The following SYT10 variants were observed in gnomAD, a reference collection of about 807,000 sequenced individuals.
SYT10 encodes synaptotagmin 10, also known as synaptotagmin-10.
Under a neutral mutation model 51.1 loss-of-function variants are expected in SYT10, and 31 were observed. That is an observed-to-expected ratio of 0.61 (90% CI 0.46 to 0.82). The LOEUF (loss-of-function observed/expected upper bound fraction) is 0.82. Ranked by LOEUF, SYT10 falls within the 40% of genes least tolerant of loss-of-function variation. The pLI, the probability that SYT10 is intolerant of heterozygous loss-of-function variation, is 0.00. For synonymous variants in SYT10, 233 were observed against 225.9 expected, an observed-to-expected ratio of 1.03 and a Z score of -0.28; for missense variants, 603 against 634.0, an observed-to-expected ratio of 0.95 and a Z score of 0.53.
At chr12:33,419,395 G>A (rs995182240) in intron 2 of SYT10, among the ~76,000 whole-genome samples, 1 of 152,020 alleles carries the variant, frequency 6.6e-6, no homozygotes, top group African/African-American at 2.4e-5. Flanking sequence ...GAAAAATTTA[G>A]CCATGTGACT....
At chr12:33,379,549 C>CAAAAAAAA (rs71068377) in intron 6 of SYT10, among the ~76,000 whole-genome samples, 10 of 22,066 alleles carry the variant, frequency 4.5e-4, no homozygotes, top group East Asian at 2.7e-3. Flanking sequence ...TCAGGCTATG[C>CAAAAAAAA]AAAAAAAAAA....
intron 4 of SYT10, among the ~76,000 whole-genome samples, 161 bp from the exon 5 acceptor site, chr12:33,382,681 G>T (rs1373371370): frequency 6.6e-6 from 1 of 152,136 alleles, no homozygotes; most frequent in Non-Finnish European, 1.5e-5. Flanking sequence ...AAGAGTAATT[G>T]TAGTAAGGTT....
intron 1 of SYT10, among the ~76,000 whole-genome samples, chr12:33,430,973 C>G (rs1866592116): frequency 6.6e-6 from 1 of 152,156 alleles, no homozygotes; most frequent in South Asian, 2.1e-4. Context: ...GTTTATTTCT[C>G]TCTCATGTGA....
intron 3 of SYT10, among the ~76,000 whole-genome samples, chr12:33,403,289 GT>G (rs1269275083): frequency 6.7e-6 from 1 of 149,268 alleles, no homozygotes; most frequent in Admixed American, 6.7e-5. Context: ...CTGGTGTGTA[GT>G]GGTGCCATCT....
At chr12:33,437,773 C>T (rs953663785) in intron 1 of SYT10, among the ~76,000 whole-genome samples, 5 of 152,096 alleles carry the variant, frequency 3.3e-5, no homozygotes. Flanking sequence ...CCACAGAGGA[C>T]TCTGAGGTCA....
At chr12:33,384,035 C>T (rs1220650051) in intron 4 of SYT10, among the ~76,000 whole-genome samples, 2 of 152,090 alleles carry the variant, frequency 1.3e-5, no homozygotes, top group African/African-American at 4.8e-5. Flanking sequence ...GTTCTACTTT[C>T]ACATACACAC....
chr12:33,400,044 G>A (rs1866289230), intron 3 of SYT10, among the ~76,000 whole-genome samples: 1 of 152,118 alleles, frequency 6.6e-6, no homozygotes, highest in African/African-American at 2.4e-5. Context: ...CAGGAGACCT[G>A]GTAAGACAGA....
At chr12:33,438,220 C>T (rs1234782961) in intron 1 of SYT10, among the ~76,000 whole-genome samples, 3 of 152,194 alleles carry the variant, frequency 2.0e-5, no homozygotes, top group Non-Finnish European at 4.4e-5. Flanking sequence ...CTTGGCTGTC[C>T]AGCTCTTGTT....
chr12:33,398,390 G>A (rs1400269319), intron 3 of SYT10, among the ~76,000 whole-genome samples: 1 of 151,974 alleles, frequency 6.6e-6, no homozygotes, highest in Non-Finnish European at 1.5e-5. Flanking sequence ...GTGGGCGCCT[G>A]TAGTCACAGC....
intron 3 of SYT10, among the ~76,000 whole-genome samples, chr12:33,396,452 C>G (rs1338854277): frequency 6.6e-6 from 1 of 152,110 alleles, no homozygotes; most frequent in Non-Finnish European, 1.5e-5. Context: ...GAGTAATTTA[C>G]ATCAGAATAC....
intron 3 of SYT10, among the ~76,000 whole-genome samples, chr12:33,399,077 A>G (rs1403943433): frequency 6.6e-6 from 1 of 152,202 alleles, no homozygotes. Flanking sequence ...TACCAGTACA[A>G]CCATGTAGGA....
At position 33,439,717 on chromosome 12, in the gene SYT10, G is replaced by A. The variant is rs1024725348; in HGVS notation, c.-195C>T. 3.4e-5 allele frequency: 21 copies of A among 625,654 alleles called. No individual in the cohort carries two copies. The highest frequency in any genetic ancestry group is 3.0e-4 in the African/African-American group (16 of 52,912). 38.8% of individuals were successfully genotyped at this position (625,654 alleles called of 1,614,324 possible). ...GGCGGGAGCGGAGGGCGTAGGGGAA[G>A]GAGAGGCGCGCGAGGAGGCTGCGGC... On this transcript the variant is annotated 5_prime_UTR_variant, in exon 1 of 7. Coordinates refer to ENST00000228567, the MANE Select transcript of SYT10 (RefSeq NM_198992.4).
In SYT10 at chr12:33,382,342, C is replaced by T. The variant is rs12821897; in HGVS notation, c.1370+7G>A. The T allele has an allele frequency of 2.5e-6, 4 of 1,585,096 alleles. No homozygotes were observed. The highest frequency in any genetic ancestry group is 2.7e-5 in the African/African-American group (2 of 73,348). On this transcript the variant is annotated splice_region_variant and intron_variant, in intron 5 of 6. Transcript: ENST00000228567. ...CTGCTCTTCAGTGAGAAGAGAGATACACATACCTATCGTAATCCATGACCG... is the reference window on the plus strand; with the variant it reads ...CTGCTCTTCAGTGAGAAGAGAGATATACATACCTATCGTAATCCATGACCG...
chr12:33,434,287 T>A (rs899205099), intron 1 of SYT10, among the ~76,000 whole-genome samples: 1 of 152,232 alleles, frequency 6.6e-6, no homozygotes, highest in African/African-American at 2.4e-5. Context: ...GAATTCTAGC[T>A]TTTTAATGTT....
intron 3 of SYT10, among the ~76,000 whole-genome samples, chr12:33,397,902 G>A (rs1208661588): frequency 6.6e-6 from 1 of 152,118 alleles, no homozygotes; most frequent in Non-Finnish European, 1.5e-5. Context: ...TTGTGGGCCT[G>A]GAAACCTATT....
chr12:33,413,324 T>C (rs1284157366), intron 2 of SYT10, among the ~76,000 whole-genome samples: 1 of 152,012 alleles, frequency 6.6e-6, no homozygotes, highest in Non-Finnish European at 1.5e-5. Flanking sequence ...ATTCAGGAAA[T>C]ACTGAGAATG....
chr12:33,436,781 A>G (rs145218494), intron 1 of SYT10, among the ~76,000 whole-genome samples: 1 of 152,286 alleles, frequency 6.6e-6, no homozygotes, highest in African/African-American at 2.4e-5. Flanking sequence ...AATATACACA[A>G]TTTTGGAGCT....
At chr12:33,400,210 A>G (rs567812675) in intron 3 of SYT10, among the ~76,000 whole-genome samples, 10 of 152,348 alleles carry the variant, frequency 6.6e-5, no homozygotes, top group Admixed American at 5.2e-4. Context: ...ATTGATAGCT[A>G]AATGGGAAAA....
chr12:33,395,076 A>C (rs1330596621), intron 3 of SYT10, among the ~76,000 whole-genome samples: 2 of 152,252 alleles, frequency 1.3e-5, no homozygotes, highest in Non-Finnish European at 2.9e-5. Context: ...CGACAGAGCG[A>C]GACTCCGTCT....
Sources: allele counts gnomAD v4.1 joint callset (sites outside exome capture counted in the v4.1 genomes callset), GRCh38; gene constraint gnomAD v4.1.1; transcripts MANE v1.5; gene names NCBI Gene and HGNC (gene_info 2026-07-23, HGNC 2026-07-21).